Variants in PTPRQ observed in about 807,000 individuals in gnomAD.
PTPRQ encodes phosphatidylinositol phosphatase PTPRQ.
PTPRQ carries 199 observed loss-of-function variants against 246.0 expected under a neutral mutation model. The observed-to-expected ratio is 0.81, with a 90% CI of 0.72 to 0.91. The LOEUF (loss-of-function observed/expected upper bound fraction) is 0.91. Among genes scored for constraint, PTPRQ ranks in the 40% least tolerant of loss-of-function variants. The pLI is 0.00. For missense variants in PTPRQ, 2,624 were observed against 2,528.4 expected, an observed-to-expected ratio of 1.04 and a Z score of -0.81; for synonymous variants, 869 against 853.2, an observed-to-expected ratio of 1.02 and a Z score of -0.32.
At chr12:80,488,343 C>T (rs893185933) in intron 9 of PTPRQ, among the ~76,000 whole-genome samples, 1 of 151,918 alleles carries the variant, frequency 6.6e-6, no homozygotes, top group African/African-American at 2.4e-5. Flanking sequence ...CCCCAGCCTA[C>T]TATTTTATAT....
In PTPRQ at chr12:80,535,087, T is replaced by G. The variant is rs530674535; in HGVS notation, c.2985+50T>G. The G allele has an allele frequency of 1.9e-5, 27 of 1,439,956 alleles. No individual in the cohort carries two copies. The Admixed American group carries it at 2.8e-4, about 15-fold the overall frequency. The allele number at this position is 1,439,956 out of a possible 1,614,324, so 89.2% of individuals were successfully genotyped here. A position where few individuals can be genotyped will look rare whatever the true frequency, so the allele number is the denominator to read the frequency against. ...TCTTTATTAACATCCTTAAGTTTTA[T>G]TAATAATACAGACTTGTCACAGTAA... On this transcript the variant is annotated intron_variant, in intron 19 of 44. Coordinates refer to ENST00000644991, the MANE Select transcript of PTPRQ (RefSeq NM_001145026.2).
chr12:80,552,264 C>T (rs1361111996), intron 25 of PTPRQ, among the ~76,000 whole-genome samples: 1 of 151,874 alleles, frequency 6.6e-6, no homozygotes, highest in Non-Finnish European at 1.5e-5. Context: ...TATGTGGAGT[C>T]TGTGGGAAGA....
chr12:80,509,473 G>A (rs952895617), intron 16 of PTPRQ, among the ~76,000 whole-genome samples: 3 of 151,954 alleles, frequency 2.0e-5, no homozygotes, highest in Non-Finnish European at 2.9e-5. Context: ...TTCACATTCC[G>A]TGCATAACTG....
chr12:80,631,552 C>T (rs1899436746), intron 33 of PTPRQ, among the ~76,000 whole-genome samples: 1 of 152,156 alleles, frequency 6.6e-6, no homozygotes, highest in Non-Finnish European at 1.5e-5. Context: ...CTTCCTAGAT[C>T]TCTAGCACCA....
chr12:80,605,286 G>A (rs1247637461), intron 27 of PTPRQ, 106 bp downstream of exon 27: 8 of 1,356,272 alleles, frequency 5.9e-6, no homozygotes, highest in Admixed American at 2.9e-5. Flanking sequence ...TAGACAGTAG[G>A]AAAATTACTT....
chr12:80,519,658 C>G (rs1411542618), intron 17 of PTPRQ, among the ~76,000 whole-genome samples: 1 of 152,152 alleles, frequency 6.6e-6, no homozygotes, highest in African/African-American at 2.4e-5. Flanking sequence ...GTGTATTGAA[C>G]AAACATGTAT....
intron 7 of PTPRQ, among the ~76,000 whole-genome samples, chr12:80,471,640 G>A (rs1893639980): frequency 7.1e-6 from 1 of 140,048 alleles, no homozygotes; most frequent in Non-Finnish European, 1.5e-5. Context: ...ACTACGCCCG[G>A]CTAATTTTTT....
At chr12:80,549,961 T>A (rs1896424001) in intron 25 of PTPRQ, among the ~76,000 whole-genome samples, 2 of 152,208 alleles carry the variant, frequency 1.3e-5, no homozygotes, top group African/African-American at 4.8e-5. Context: ...AGAGAGATGA[T>A]CCTCTTTACT....
At chr12:80,660,349 GC>G (rs2121256276) in intron 39 of PTPRQ, among the ~76,000 whole-genome samples, 1 of 152,112 alleles carries the variant, frequency 6.6e-6, no homozygotes, top group Non-Finnish European at 1.5e-5. Flanking sequence ...AGGTTAACAT[GC>G]CAATGTGTGT....
intron 17 of PTPRQ, chr12:80,525,944 G>C (rs1305230465): frequency 6.6e-6 from 1 of 152,102 alleles, no homozygotes; most frequent in African/African-American, 2.4e-5. Context: ...GTCTAGTGTA[G>C]TGACTGTACT....
chr12:80,648,303 G>A (rs993140474), intron 35 of PTPRQ, among the ~76,000 whole-genome samples: 1 of 151,996 alleles, frequency 6.6e-6, no homozygotes, highest in African/African-American at 2.4e-5. Context: ...CTCTAAGTTT[G>A]TGTATGTTGT....
intron 26 of PTPRQ, among the ~76,000 whole-genome samples, chr12:80,591,384 C>T (rs1265962003): frequency 6.6e-6 from 1 of 152,098 alleles, no homozygotes; most frequent in African/African-American, 2.4e-5. Flanking sequence ...CTGCCGTGGC[C>T]TCCCACAGTG....
intron 25 of PTPRQ, among the ~76,000 whole-genome samples, chr12:80,563,358 T>A (rs1478668356): frequency 6.6e-6 from 1 of 151,892 alleles, no homozygotes; most frequent in East Asian, 2.0e-4. Flanking sequence ...ATTACTGCCC[T>A]AATCCCACTC....
chr12:80,544,657 C>T (rs1896251919), intron 23 of PTPRQ, among the ~76,000 whole-genome samples: 1 of 152,050 alleles, frequency 6.6e-6, no homozygotes, highest in South Asian at 2.1e-4. Context: ...ATCTTTTTCC[C>T]TGTCTTGGCA....
rs531783411 is a variant in PTPRQ at position 80,449,852 on chromosome 12, G to A, written c.390+4135G>A. 7.3e-3 allele frequency among the ~76,000 whole-genome samples: 1,117 copies of A among 152,082 alleles called. 15 individuals are homozygous for A. Among genetic ancestry groups the A allele is most frequent in the African/African-American group, 0.026 (1,078 of 41,522 alleles). On this transcript the variant is annotated intron_variant, in intron 3 of 44. Coordinates refer to ENST00000644991, the MANE Select transcript of PTPRQ (RefSeq NM_001145026.2). Reference sequence around the variant, plus strand: ...TCTTTTGGCTTAGGATTGACTTGGCGATGTGGGCTCTTTTTTGGTTCCATA... The same window carrying A: ...TCTTTTGGCTTAGGATTGACTTGGCAATGTGGGCTCTTTTTTGGTTCCATA...
chr12:80,624,593 T>C (rs1453740303), intron 33 of PTPRQ, among the ~76,000 whole-genome samples: 1 of 152,170 alleles, frequency 6.6e-6, no homozygotes, highest in African/African-American at 2.4e-5. Context: ...GCAGAATTCC[T>C]CAATGACTAG....
chr12:80,508,535 G>A (rs528976448), intron 16 of PTPRQ, among the ~76,000 whole-genome samples: 179 of 152,048 alleles, frequency 1.2e-3, no homozygotes, highest in African/African-American at 3.6e-3. Flanking sequence ...TGAGAGATTT[G>A]TGAAGTCCTC....
intron 17 of PTPRQ, among the ~76,000 whole-genome samples, chr12:80,514,402 A>ACACACACACACT (rs552667526): frequency 8.7e-4 from 98 of 113,014 alleles, no homozygotes; most frequent in African/African-American, 2.8e-3. Context: ...ACACACACAC[A>ACACACACACACT]CTCTCTCTCT....
At chr12:80,654,575 C>T (rs1293138333) in intron 38 of PTPRQ, among the ~76,000 whole-genome samples, 1 of 151,586 alleles carries the variant, frequency 6.6e-6, no homozygotes, top group Non-Finnish European at 1.5e-5. Context: ...TGGCCTGGCG[C>T]GGTGGCTCAC....
Sources: gnomAD v4.1 joint callset for allele counts (sites outside exome capture counted in the v4.1 genomes callset) on GRCh38, gnomAD v4.1.1 for gene constraint, MANE v1.5 for transcripts, NCBI Gene and HGNC (gene_info 2026-07-23, HGNC 2026-07-21) for gene names.